Variants in UBE2L3 observed in about 807,000 individuals in gnomAD.
UBE2L3 encodes the protein ubiquitin conjugating enzyme E2 L3, also known as ubiquitin-conjugating enzyme E2 L3.
In UBE2L3, 1 loss-of-function variant was observed where a neutral mutation model predicts 17.8. That is an observed-to-expected ratio of 0.06 (90% CI 0.02 to 0.27). The LOEUF (loss-of-function observed/expected upper bound fraction) is 0.27, where lower values mean the gene tolerates loss of function less well. UBE2L3 is among the 10% of genes least tolerant of loss of function. The pLI is 1.00. For missense variants in UBE2L3, 40 were observed against 192.6 expected (o/e 0.21, Z 4.69); for synonymous variants, 44 against 68.5 (o/e 0.64, Z 1.76).
intron 1 of UBE2L3, among the ~76,000 whole-genome samples, chr22:21,556,321 A>G (rs1250322018): frequency 1.3e-5 from 2 of 152,150 alleles, no homozygotes; most frequent in African/African-American, 4.8e-5. Context: ...TTTGAGCCCA[A>G]GAATTCAAAG....
intron 1 of UBE2L3, among the ~76,000 whole-genome samples, chr22:21,569,395 CAAAAAAAAA>C (rs541227444): frequency 2.3e-5 from 2 of 86,208 alleles, no homozygotes; most frequent in Non-Finnish European, 4.8e-5. Context: ...GACTCCATGT[CAAAAAAAAA>C]AAAAAAAAAA....
Position 21,612,643 on chromosome 22 carries a change from C to CTTTTTTTTTTTTTTTTTTTTT in UBE2L3, c.310+1608_310+1628dup. Among the ~76,000 whole-genome samples the CTTTTTTTTTTTTTTTTTTTTT allele has an allele frequency of 1.8e-3, 96 of 52,496 alleles. 16 individuals are homozygous for CTTTTTTTTTTTTTTTTTTTTT. Among genetic ancestry groups the CTTTTTTTTTTTTTTTTTTTTT allele is most frequent in the East Asian group, 7.5e-3 (10 of 1,336 alleles). The allele number at this position is 52,496 out of a possible 152,430, so 34.4% of individuals were successfully genotyped here. A position where few individuals can be genotyped will look rare whatever the true frequency, so the allele number is the denominator to read the frequency against. ...CCCAGCCGATTTTTTCTTTTCTTTT[C>CTTTTTTTTTTTTTTTTTTTTT]TTTTTTTTTTTTTTTTTTTTTTTTT... On this transcript the variant is annotated intron_variant, in intron 3 of 3. Transcript: ENST00000342192.
At chr22:21,607,773 C>T (rs1929256177) in intron 2 of UBE2L3, among the ~76,000 whole-genome samples, 1 of 152,122 alleles carries the variant, frequency 6.6e-6, no homozygotes, top group African/African-American at 2.4e-5. Flanking sequence ...GTTCTAGGGG[C>T]AAGGGGCTAG....
At chr22:21,615,291 C>T (rs1929704360) in intron 3 of UBE2L3, among the ~76,000 whole-genome samples, 2 of 152,088 alleles carry the variant, frequency 1.3e-5, no homozygotes, top group South Asian at 2.1e-4. Context: ...CGCGGTGGCT[C>T]ACGCCTGTAG....
chr22:21,556,737 C>T (rs1251761742), intron 1 of UBE2L3, among the ~76,000 whole-genome samples: 3 of 151,112 alleles, frequency 2.0e-5, no homozygotes, highest in Non-Finnish European at 4.4e-5. Flanking sequence ...ACTGAGATTA[C>T]AGGCATGAGC....
At chr22:21,565,754 CAAAAAAAAA>C (rs131662), upstream of UBE2L3, among the ~76,000 whole-genome samples, 45 of 30,282 alleles carry the variant, frequency 1.5e-3, no homozygotes, top group Admixed American at 2.0e-3. Flanking sequence ...AACTGTGTCT[CAAAAAAAAA>C]AAAAAAAAAA....
upstream of UBE2L3, among the ~76,000 whole-genome samples, chr22:21,566,555 C>T (rs980112863): frequency 6.6e-6 from 1 of 150,866 alleles, no homozygotes; most frequent in Non-Finnish European, 1.5e-5. Flanking sequence ...CACTGTACTC[C>T]AGCCTGGGTG....
chr22:21,613,431 A>T (rs903334084), intron 3 of UBE2L3, among the ~76,000 whole-genome samples: 2 of 152,222 alleles, frequency 1.3e-5, no homozygotes, highest in East Asian at 3.9e-4. Flanking sequence ...TACAGGAGCT[A>T]TTCTGTGTGC....
intron 1 of UBE2L3, among the ~76,000 whole-genome samples, chr22:21,586,289 C>A (rs2148415791): frequency 6.6e-6 from 1 of 152,106 alleles, no homozygotes; most frequent in African/African-American, 2.4e-5. Context: ...GACGGAGTCT[C>A]ACTCTGGGAG....
intron 1 of UBE2L3, among the ~76,000 whole-genome samples, chr22:21,560,512 G>A (rs1396935379): frequency 1.3e-3 from 178 of 138,142 alleles, no homozygotes; most frequent in Middle Eastern, 4.0e-3. Flanking sequence ...GTGCAGTGGC[G>A]CAATCTTGGC....
chr22:21,575,457 T>C (rs1203767978), intron 1 of UBE2L3, among the ~76,000 whole-genome samples: 3 of 128,082 alleles, frequency 2.3e-5, no homozygotes, highest in Admixed American at 7.8e-5. Flanking sequence ...AGTGTGGTGG[T>C]GCATGCCTGT....
rs965100126 is a variant in UBE2L3 at position 21,582,343 on chromosome 22, GT to G, written c.28-10509del. 1.0e-3 allele frequency among the ~76,000 whole-genome samples: 153 copies of G among 147,892 alleles called. 1 individual carries two copies. The highest frequency in any genetic ancestry group is 3.5e-3 in the African/African-American group (141 of 40,338). On this transcript the variant is annotated intron_variant, in intron 1 of 3. Coordinates refer to ENST00000342192, the MANE Select transcript of UBE2L3 (RefSeq NM_003347.4). ...AAACTGGGTGGTATGAATGTGGTGG[GT>G]TTTTTTTTGTTGTTGTTTTTTTTTT... is the stretch of plus-strand genomic sequence containing the variant.
intron 1 of UBE2L3, among the ~76,000 whole-genome samples, chr22:21,576,112 CTTT>C (rs35221203): frequency 7.7e-5 from 9 of 117,144 alleles, no homozygotes; most frequent in Admixed American, 1.8e-4. Context: ...TTGAAAGCAA[CTTT>C]TTTTTTTTTT....
chr22:21,562,604 C>T (rs2148393052), intron 1 of UBE2L3, among the ~76,000 whole-genome samples: 1 of 151,606 alleles, frequency 6.6e-6, no homozygotes, highest in South Asian at 2.1e-4. Context: ...ATCTCCTGAC[C>T]TCATGATCTG....
At chr22:21,564,763 C>T (rs116065557), upstream of UBE2L3, among the ~76,000 whole-genome samples, 206 of 152,272 alleles carry the variant, frequency 1.4e-3, 1 homozygote, top group African/African-American at 4.7e-3. Flanking sequence ...CCCCTTCCTC[C>T]GTAATTCTCC....
At chr22:21,600,044 G>C (rs1358774588) in intron 2 of UBE2L3, among the ~76,000 whole-genome samples, 2 of 152,228 alleles carry the variant, frequency 1.3e-5, no homozygotes, top group Non-Finnish European at 2.9e-5. Context: ...GGGCGCGGTG[G>C]CTCATGCCAG....
intron 1 of UBE2L3, among the ~76,000 whole-genome samples, chr22:21,587,012 A>G (rs1284227555): frequency 1.3e-5 from 2 of 150,470 alleles, no homozygotes; most frequent in South Asian, 2.1e-4. Flanking sequence ...CAGCCTCCCG[A>G]GTAGCTGGAA....
chr22:21,614,614 C>T, intron 3 of UBE2L3: 2 of 1,367,392 alleles, frequency 1.5e-6, no homozygotes, highest in Non-Finnish European at 2.0e-6. Flanking sequence ...GTTCTTTGAC[C>T]TCCTCAATTC....
intron 2 of UBE2L3, among the ~76,000 whole-genome samples, chr22:21,594,840 A>ATTAGAGACTACTACC (rs1266542876): frequency 1.3e-4 from 20 of 152,204 alleles, no homozygotes; most frequent in South Asian, 1.0e-3. Flanking sequence ...TCTAATTGAG[A>ATTAGAGACTACTACC]TTGTGTAGTC....
Sources: gnomAD v4.1 joint callset for allele counts (sites outside exome capture counted in the v4.1 genomes callset) on GRCh38, gnomAD v4.1.1 for gene constraint, MANE v1.5 for transcripts, NCBI Gene and HGNC (gene_info 2026-07-23, HGNC 2026-07-21) for gene names.